Variants in NEDD8 observed in about 807,000 individuals in gnomAD.
NEDD8 encodes the protein NEDD8 ubiquitin like modifier, also known as ubiquitin-like protein NEDD8.
NEDD8 carries 1 observed loss-of-function variant against 13.8 expected under a neutral mutation model. The observed-to-expected ratio is 0.07, with a 90% confidence interval of 0.03 to 0.34. The LOEUF (loss-of-function observed/expected upper bound fraction) is 0.34, where lower values mean the gene tolerates loss of function less well. Ranked by LOEUF, NEDD8 falls within the 10% of genes least tolerant of loss-of-function variation. The probability of loss-of-function intolerance (pLI) is 0.99; values close to 1 mark genes in which losing one functional copy is unlikely to be tolerated. For missense variants in NEDD8, 10 were observed against 95.2 expected, an observed-to-expected ratio of 0.10 and a Z score of 3.73; for synonymous variants, 31 against 33.2, an observed-to-expected ratio of 0.93 and a Z score of 0.23.
intron 1 of NEDD8, among the ~76,000 whole-genome samples, chr14:24,221,963 G>A (rs1160336960): frequency 6.6e-6 from 1 of 152,142 alleles, no homozygotes; most frequent in Non-Finnish European, 1.5e-5. Context: ...AGAGCAAAAT[G>A]CTTGGACCTT....
rs765284692 is a variant in NEDD8, at chr14:24,217,096, G to A, written c.*31C>T. ...GGATATATGATGCCTCATTATGAGC[G>A]ACAGGGTAAAGAGGTAAAATGGAGG... is the stretch of plus-strand genomic sequence containing the variant. On this transcript the variant is annotated 3_prime_UTR_variant, in exon 4 of 4. Transcript: ENST00000250495. The A allele has an allele frequency of 1.3e-6, 2 of 1,565,334 alleles. No homozygotes were observed. The highest frequency in any genetic ancestry group is 1.4e-5 in the African/African-American group (1 of 74,030).
chr14:24,217,052 G>A lies in NEDD8; in HGVS notation c.*75C>T. The A allele has an allele frequency of 8.4e-7, 1 of 1,189,624 alleles. No homozygotes were observed. The allele number at this position is 1,189,624 out of a possible 1,614,324, so 73.7% of individuals were successfully genotyped here. On this transcript the variant is annotated 3_prime_UTR_variant, in exon 4 of 4. Transcript: ENST00000250495. ...ATCCAGGGGAGGGGGCAGTGGCTAT[G>A]GTGTCCCAGAGAGTGAGAGGATATA...
intron 3 of NEDD8, 99 bp from the exon 4 acceptor site, chr14:24,217,322 C>T: frequency 1.0e-6 from 1 of 1,000,734 alleles, no homozygotes; most frequent in Non-Finnish European, 1.5e-6. Context: ...CAGAGTCTCG[C>T]TCTGTCATCT....
chr14:24,232,109 A>T, intron 1 of NEDD8, 141 bp downstream of exon 1: 1 of 1,365,074 alleles, frequency 7.3e-7, no homozygotes, highest in Non-Finnish European at 1.0e-6. Context: ...CCTATTTCCC[A>T]CCACCCCTCG....
At position 24,232,314 on chromosome 14, in the gene NEDD8, C is replaced by G; in HGVS notation, c.-47G>C. On this transcript the variant is annotated 5_prime_UTR_variant, in exon 1 of 4. Coordinates refer to ENST00000250495, the MANE Select transcript of NEDD8 (RefSeq NM_006156.3). ...CACACGGATAAATTGCTGCTCCTAC[C>G]GCTCCGGTCGCCGCTGCCGCCCTCC... 6.2e-7 allele frequency: 1 copy of G among 1,612,348 alleles called. No individual in the cohort carries two copies.
chr14:24,230,534 CAAAAAAA>C (rs1181616079), intron 1 of NEDD8, among the ~76,000 whole-genome samples: 7 of 65,078 alleles, frequency 1.1e-4, no homozygotes, highest in African/African-American at 3.8e-4. Context: ...GACTCTGTCT[CAAAAAAA>C]AAAAAAAAAA....
chr14:24,227,447 G>A (rs185238319), intron 1 of NEDD8: 1 of 152,174 alleles, frequency 6.6e-6, no homozygotes, highest in South Asian at 2.1e-4. Flanking sequence ...GGAAAACCTG[G>A]TTGGATGTAT....
Position 24,222,977 on chromosome 14 carries a change from T to C in NEDD8, c.19-4546A>G, listed in dbSNP as rs574257500. Among the ~76,000 whole-genome samples the C allele has an allele frequency of 1.9e-4, 27 of 144,428 alleles. No homozygotes were observed. The South Asian group carries it at 5.6e-3, about 30-fold the overall frequency. The allele number at this position is 144,428 out of a possible 152,430, so 94.8% of individuals were successfully genotyped here. A position where few individuals can be genotyped will look rare whatever the true frequency, so the allele number is the denominator to read the frequency against. On this transcript the variant is annotated intron_variant, in intron 1 of 3. Transcript: ENST00000250495. ...GGTGGGCGCCTGTAGTCCCAGCTAC[T>C]GGGGAGGCTGAGGCAGGAGAATCGC...
At chr14:24,224,052 A>G (rs1024728134) in intron 1 of NEDD8, among the ~76,000 whole-genome samples, 1 of 151,704 alleles carries the variant, frequency 6.6e-6, no homozygotes, top group South Asian at 2.1e-4. Flanking sequence ...CTCAGCCTCC[A>G]GAGTAGCTGG....
In NEDD8 at chr14:24,220,520, C is replaced by A. The variant is rs534766223; in HGVS notation, c.19-2089G>T. Among the ~76,000 whole-genome samples, 21 of 152,210 alleles carry A rather than the reference C, an allele frequency of 1.4e-4. No homozygotes were observed. The South Asian group carries it at 4.1e-3, about 30-fold the overall frequency. On this transcript the variant is annotated intron_variant, in intron 1 of 3. Coordinates refer to ENST00000250495, the MANE Select transcript of NEDD8 (RefSeq NM_006156.3). ...TAAGATTTTTTTGTAGAGACGAGTT[C>A]TGTGTTGCTCAGGCTGGTTTCAAAC...
At chr14:24,229,866 A>T (rs2039960626) in intron 1 of NEDD8, among the ~76,000 whole-genome samples, 1 of 152,072 alleles carries the variant, frequency 6.6e-6, no homozygotes, top group Admixed American at 6.6e-5. Flanking sequence ...AGGTCAAGAG[A>T]TCGATACCAT....
chr14:24,224,623 A>C (rs950387554), intron 1 of NEDD8, among the ~76,000 whole-genome samples: 3 of 152,350 alleles, frequency 2.0e-5, no homozygotes, highest in East Asian at 1.9e-4. Flanking sequence ...GACACTGTTC[A>C]AATATTCCAG....
intron 1 of NEDD8, among the ~76,000 whole-genome samples, chr14:24,224,218 C>T (rs995015182): frequency 2.6e-5 from 4 of 152,166 alleles, no homozygotes; most frequent in Admixed American, 6.5e-5. Context: ...CGTGAGCCAC[C>T]GCGCCCAGCC....
intron 1 of NEDD8, among the ~76,000 whole-genome samples, chr14:24,219,328 C>CAAA (rs995507230): frequency 6.6e-6 from 1 of 150,830 alleles, no homozygotes; most frequent in African/African-American, 2.4e-5. Context: ...ACAACAACAA[C>CAAA]AAAAATTAGC....
intron 1 of NEDD8, 53 bp downstream of exon 1, chr14:24,232,197 A>C: frequency 1.9e-6 from 3 of 1,612,354 alleles, no homozygotes; most frequent in Non-Finnish European, 2.5e-6. Context: ...CCCGTAAGGC[A>C]CTGCTGCCAG....
chr14:24,231,494 TGGGGGGGGG>T (rs34585547), intron 1 of NEDD8, among the ~76,000 whole-genome samples: 3 of 67,506 alleles, frequency 4.4e-5, no homozygotes, highest in African/African-American at 1.3e-4. Flanking sequence ...GAGGGGGGCG[TGGGGGGGGG>T]GGTCTCTGTC....
At chr14:24,223,103 A>AC (rs1389145535) in intron 1 of NEDD8, among the ~76,000 whole-genome samples, 2,252 of 149,578 alleles carry the variant, frequency 0.015, 61 homozygotes, top group African/African-American at 0.051. Context: ...AAAAAAAAAA[A>AC]AAAAATAGAG....
chr14:24,225,191 A>C (rs1322900311), intron 1 of NEDD8, among the ~76,000 whole-genome samples: 1 of 151,822 alleles, frequency 6.6e-6, no homozygotes, highest in Non-Finnish European at 1.5e-5. Context: ...AAAAAAGAAA[A>C]AAAGAAAAAC....
intron 1 of NEDD8, among the ~76,000 whole-genome samples, chr14:24,224,218 C>A (rs995015182): frequency 3.3e-5 from 5 of 152,166 alleles, no homozygotes; most frequent in Non-Finnish European, 5.9e-5. Context: ...CGTGAGCCAC[C>A]GCGCCCAGCC....
Sources: allele counts gnomAD v4.1 joint callset (sites outside exome capture counted in the v4.1 genomes callset), GRCh38; gene constraint gnomAD v4.1.1; transcripts MANE v1.5; gene names NCBI Gene and HGNC (gene_info 2026-07-23, HGNC 2026-07-21).